Variants in FAM81B observed in about 807,000 individuals in gnomAD.
FAM81B encodes family with sequence similarity 81 member B, also known as protein FAM81B.
Under a neutral mutation model 58.7 loss-of-function variants are expected in FAM81B, and 60 were observed. The ratio of observed to expected loss-of-function variants is 1.02; its 90% CI spans 0.83 to 1.27. The LOEUF is 1.27. Ranked by LOEUF, FAM81B falls within the 50% of genes most tolerant of loss-of-function variation. The probability of loss-of-function intolerance (pLI) is 0.00; values close to 1 mark genes in which losing one functional copy is unlikely to be tolerated. For synonymous variants in FAM81B, 189 were observed against 179.6 expected, an observed-to-expected ratio of 1.05 and a Z score of -0.42; for missense variants, 491 against 522.0, an observed-to-expected ratio of 0.94 and a Z score of 0.58.
At chr5:95,429,809 T>C (rs1561307621) in intron 6 of FAM81B, among the ~76,000 whole-genome samples, 1 of 152,216 alleles carries the variant, frequency 6.6e-6, no homozygotes, top group Non-Finnish European at 1.5e-5. Flanking sequence ...GAAATGTCTT[T>C]GCTGTTTGCT....
At chr5:95,438,116 T>C (rs898018733) in intron 7 of FAM81B, among the ~76,000 whole-genome samples, 3 of 152,232 alleles carry the variant, frequency 2.0e-5, no homozygotes, top group African/African-American at 7.2e-5. Context: ...ATGCGAAATA[T>C]GTGTGTCTTA....
intron 4 of FAM81B, among the ~76,000 whole-genome samples, chr5:95,415,225 G>A (rs1762508181): frequency 6.6e-6 from 1 of 152,190 alleles, no homozygotes. Flanking sequence ...TACAGATAGT[G>A]TACTTTAGGA....
chr5:95,432,645 G>GA (rs200107293), intron 6 of FAM81B, among the ~76,000 whole-genome samples: 3 of 151,464 alleles, frequency 2.0e-5, no homozygotes, highest in South Asian at 2.1e-4. Context: ...CTTTTTCTTA[G>GA]AAAAAAAATC....
chr5:95,409,577 TAAATTA>T (rs1762355131), intron 3 of FAM81B, among the ~76,000 whole-genome samples: 1 of 152,080 alleles, frequency 6.6e-6, no homozygotes, highest in Non-Finnish European at 1.5e-5. Flanking sequence ...ACAGAGCTAC[TAAATTA>T]AAAAGAAGTA....
intron 7 of FAM81B, among the ~76,000 whole-genome samples, chr5:95,445,669 C>A (rs1340954331): frequency 1.3e-5 from 2 of 152,120 alleles, no homozygotes; most frequent in East Asian, 3.8e-4. Flanking sequence ...ATGAGTAATT[C>A]AAGGCCTCTT....
intron 3 of FAM81B, among the ~76,000 whole-genome samples, chr5:95,401,396 C>G (rs1349081689): frequency 2.0e-5 from 3 of 152,132 alleles, no homozygotes; most frequent in Non-Finnish European, 4.4e-5. Context: ...TGCCTCACCC[C>G]CCAGAGCATT....
At chr5:95,436,718 G>T in intron 6 of FAM81B, 82 bp from the exon 7 acceptor site, 3 of 910,966 alleles carry the variant, frequency 3.3e-6, no homozygotes, top group Non-Finnish European at 5.4e-6. Flanking sequence ...TCTGTTTCCC[G>T]GCTCCTTAAA....
At chr5:95,402,268 A>G (rs954280929) in intron 3 of FAM81B, among the ~76,000 whole-genome samples, 3 of 152,228 alleles carry the variant, frequency 2.0e-5, no homozygotes, top group African/African-American at 7.2e-5. Flanking sequence ...AGAAAGGTCA[A>G]TTGGAAAACA....
At chr5:95,407,410 GCA>G (rs914714226) in intron 3 of FAM81B, among the ~76,000 whole-genome samples, 4 of 122,654 alleles carry the variant, frequency 3.3e-5, no homozygotes, top group African/African-American at 1.3e-4. Flanking sequence ...ACACACACAC[GCA>G]CACACACACG....
At chr5:95,417,661 A>G (rs1213897695) in intron 4 of FAM81B, among the ~76,000 whole-genome samples, 1 of 152,230 alleles carries the variant, frequency 6.6e-6, no homozygotes, top group East Asian at 1.9e-4. Context: ...GTGTTTAACA[A>G]TCAGCAATCA....
In FAM81B at chr5:95,404,148, G is replaced by T. The variant is rs139018355; in HGVS notation, c.293+7973G>T. ...GGCCACAAAGCAGCACTGGCTCAAAGAAAATAATGAGCAAATCTGCAGTCC... is the reference window on the plus strand; with the variant it reads ...GGCCACAAAGCAGCACTGGCTCAAATAAAATAATGAGCAAATCTGCAGTCC... On this transcript the variant is annotated intron_variant, in intron 3 of 9. Coordinates refer to ENST00000283357, the MANE Select transcript of FAM81B (RefSeq NM_152548.3). Among the ~76,000 whole-genome samples the T allele has an allele frequency of 4.3e-3, 648 of 152,282 alleles. 4 individuals are homozygous for T. Among genetic ancestry groups the T allele is most frequent in the African/African-American group, 0.014 (585 of 41,548 alleles).
intron 1 of FAM81B, among the ~76,000 whole-genome samples, chr5:95,392,590 C>T (rs549080280): frequency 3.9e-5 from 6 of 152,156 alleles, no homozygotes; most frequent in South Asian, 4.1e-4. Context: ...TAAAGAAATG[C>T]TCTTCTAGCT....
chr5:95,408,498 G>A (rs1232285995), intron 3 of FAM81B, among the ~76,000 whole-genome samples: 2 of 152,180 alleles, frequency 1.3e-5, no homozygotes, highest in African/African-American at 4.8e-5. Context: ...TGGTTTGTTA[G>A]AATAGTGGGT....
intron 5 of FAM81B, among the ~76,000 whole-genome samples, chr5:95,422,043 A>C (rs1314338492): frequency 6.6e-6 from 1 of 152,184 alleles, no homozygotes. Context: ...TATTAGCTGG[A>C]ATGGGCATGG....
At chr5:95,432,212 T>C (rs375636365) in intron 6 of FAM81B, among the ~76,000 whole-genome samples, 1 of 152,110 alleles carries the variant, frequency 6.6e-6, no homozygotes, top group African/African-American at 2.4e-5. Flanking sequence ...TTCCTATTAT[T>C]AAACCATCCT....
chr5:95,418,396 A>G (rs1446255721), intron 4 of FAM81B, among the ~76,000 whole-genome samples: 1 of 150,720 alleles, frequency 6.6e-6, no homozygotes, highest in Non-Finnish European at 1.5e-5. Flanking sequence ...CTTAATAAGG[A>G]AAAAAAAAAT....
intron 3 of FAM81B, among the ~76,000 whole-genome samples, chr5:95,409,304 G>A (rs1248986812): frequency 2.0e-5 from 3 of 151,696 alleles, no homozygotes; most frequent in Non-Finnish European, 4.4e-5. Flanking sequence ...GACTACAAGC[G>A]TGTGCCACCA....
chr5:95,441,723 T>C (rs1745361281), intron 7 of FAM81B, among the ~76,000 whole-genome samples: 2 of 152,226 alleles, frequency 1.3e-5, no homozygotes, highest in Admixed American at 6.5e-5. Context: ...TCTGACACTT[T>C]TCTAGTGAAT....
chr5:95,419,367 C>T (rs1762618700), intron 4 of FAM81B, among the ~76,000 whole-genome samples: 2 of 152,224 alleles, frequency 1.3e-5, no homozygotes, highest in Non-Finnish European at 2.9e-5. Flanking sequence ...TGGAATGTCT[C>T]CCCAAGTAAC....
Sources: gnomAD v4.1 joint callset for allele counts (sites outside exome capture counted in the v4.1 genomes callset) on GRCh38, gnomAD v4.1.1 for gene constraint, MANE v1.5 for transcripts, NCBI Gene and HGNC (gene_info 2026-07-23, HGNC 2026-07-21) for gene names.